UBR3: variants seen among roughly 807,000 people sequenced by gnomAD.
UBR3 encodes the protein E3 ubiquitin-protein ligase UBR3.
In UBR3, 85 loss-of-function variants were observed where a neutral mutation model predicts 243.2. That is an observed-to-expected ratio of 0.35 (90% confidence interval 0.29 to 0.42). UBR3 has a LOEUF of 0.42. Ranked by LOEUF, UBR3 falls within the 10% of genes least tolerant of loss-of-function variation. The pLI is 1.00. For synonymous variants in UBR3, 748 were observed against 799.8 expected (o/e 0.94, Z 1.09); for missense variants, 1,686 against 2,300.8 (o/e 0.73, Z 5.47).
intron 25 of UBR3, among the ~76,000 whole-genome samples, chr2:169,987,898 A>G (rs943073394): frequency 6.6e-6 from 1 of 151,960 alleles, no homozygotes; most frequent in Non-Finnish European, 1.5e-5. Flanking sequence ...TTTTTCTTTT[A>G]TGTAGAGAGC....
chr2:170,032,996 T>C (rs2090720736), intron 31 of UBR3, among the ~76,000 whole-genome samples: 1 of 152,122 alleles, frequency 6.6e-6, no homozygotes, highest in Non-Finnish European at 1.5e-5. Context: ...ATTTTGTGTG[T>C]TGTTGCTAAG....
chr2:169,966,878 G>A (rs534276539), intron 24 of UBR3, among the ~76,000 whole-genome samples: 14 of 151,858 alleles, frequency 9.2e-5, no homozygotes, highest in African/African-American at 3.4e-4. Flanking sequence ...GACTGTGTAG[G>A]GTTTTTTTTT....
At chr2:169,943,252 A>G (rs1319151949) in intron 20 of UBR3, among the ~76,000 whole-genome samples, 1 of 152,196 alleles carries the variant, frequency 6.6e-6, no homozygotes, top group Admixed American at 6.5e-5. Context: ...GAAGCATAAT[A>G]TTGTATAGTA....
intron 28 of UBR3, among the ~76,000 whole-genome samples, chr2:170,007,503 A>G (rs967706674): frequency 1.3e-5 from 2 of 152,178 alleles, no homozygotes; most frequent in Non-Finnish European, 2.9e-5. Context: ...CACACCTGTA[A>G]TCCCAGCACT....
At chr2:169,887,436 GGTTATGATAACTGTTTTGTTTTC>G (rs1177124965) in intron 5 of UBR3, among the ~76,000 whole-genome samples, 26 of 152,116 alleles carry the variant, frequency 1.7e-4, no homozygotes, top group African/African-American at 5.3e-4. Flanking sequence ...GGGAAATTGT[GGTTATGATAACTGTTTTGTTTTC>G]GTTTTCCTTA....
intron 21 of UBR3, 174 bp from the exon 22 acceptor site, chr2:169,947,368 T>C (rs2086825099): frequency 2.3e-6 from 1 of 432,642 alleles, no homozygotes; most frequent in Non-Finnish European, 3.9e-6. Flanking sequence ...CTGCATTTTT[T>C]GTTTGAATTT....
chr2:170,076,603 A>T (rs1574487322), intron 36 of UBR3, among the ~76,000 whole-genome samples: 1 of 152,238 alleles, frequency 6.6e-6, no homozygotes, highest in East Asian at 1.9e-4. Flanking sequence ...AAAATGTTGC[A>T]AAGATATATG....
At chr2:169,828,084 C>G (rs1028058676) in intron 1 of UBR3, 32 bp downstream of exon 1, 6 of 1,352,496 alleles carry the variant, frequency 4.4e-6, no homozygotes, top group Non-Finnish European at 4.8e-6. Context: ...GGCGAGGCGA[C>G]CCTGGGCCGG....
At chr2:169,890,567 G>GTATATATATATATGTATATATATGTA (rs2084320641) in intron 5 of UBR3, among the ~76,000 whole-genome samples, 20 of 59,530 alleles carry the variant, frequency 3.4e-4, no homozygotes, top group South Asian at 6.6e-4. Context: ...ATATATATGT[G>GTATATATATATATGTATATATATGTA]TATATATATA....
intron 31 of UBR3, among the ~76,000 whole-genome samples, chr2:170,037,952 A>T (rs1574432742): frequency 6.6e-6 from 1 of 152,204 alleles, no homozygotes; most frequent in Non-Finnish European, 1.5e-5. Context: ...TAAGCAAATT[A>T]ATAATAGCAT....
At position 169,917,593 on chromosome 2, in the gene UBR3, CAG is replaced by C. The variant is rs547929368; in HGVS notation, c.1866+3449_1866+3450del. On this transcript the variant is annotated intron_variant, in intron 11 of 38. Transcript: ENST00000272793. Reference sequence around the variant, plus strand: ...GGAAATAGTGTATCTGTTTTTCACACAGAAATATTTTTAGGAAGATATTGAAT... The same window carrying C: ...GGAAATAGTGTATCTGTTTTTCACACAAATATTTTTAGGAAGATATTGAAT... 3.1e-3 allele frequency among the ~76,000 whole-genome samples: 472 copies of C among 152,146 alleles called. 1 individual carries two copies. Among genetic ancestry groups the C allele is most frequent in the Middle Eastern group, 0.01 (3 of 292 alleles).
At chr2:170,029,717 G>C (rs2090620088) in intron 31 of UBR3, among the ~76,000 whole-genome samples, 1 of 151,978 alleles carries the variant, frequency 6.6e-6, no homozygotes, top group Admixed American at 6.6e-5. Flanking sequence ...GTAATGGCTG[G>C]TTGTCTCTCT....
chr2:169,945,935 T>G (rs1039294633), intron 20 of UBR3, among the ~76,000 whole-genome samples: 1 of 152,150 alleles, frequency 6.6e-6, no homozygotes, highest in Non-Finnish European at 1.5e-5. Context: ...TTAAGAACAT[T>G]AATGTACCAT....
intron 30 of UBR3, among the ~76,000 whole-genome samples, chr2:170,017,521 GGACACACA>G (rs2090271553): frequency 8.5e-5 from 4 of 47,184 alleles, no homozygotes; most frequent in Admixed American, 5.1e-4. Flanking sequence ...ATATAATTAC[GGACACACA>G]CACACACACA....
At chr2:169,829,043 A>G (rs2081840506) in intron 1 of UBR3, among the ~76,000 whole-genome samples, 1 of 152,220 alleles carries the variant, frequency 6.6e-6, no homozygotes, top group Non-Finnish European at 1.5e-5. Context: ...AGTAGTTGAA[A>G]GAATATTAGC....
chr2:170,006,950 T>C (rs2089932974), intron 27 of UBR3, 40 bp from the exon 28 acceptor site: 1 of 1,574,816 alleles, frequency 6.3e-7, no homozygotes, highest in African/African-American at 1.4e-5. Flanking sequence ...TTTCTATGAA[T>C]GTGTATATCA....
At chr2:169,903,775 A>G (rs1443941679) in intron 8 of UBR3, among the ~76,000 whole-genome samples, 1 of 152,140 alleles carries the variant, frequency 6.6e-6, no homozygotes, top group Non-Finnish European at 1.5e-5. Flanking sequence ...AATCCCAGCT[A>G]CTGAGGAGGC....
intron 30 of UBR3, among the ~76,000 whole-genome samples, chr2:170,017,509 G>T (rs2090270490): frequency 6.9e-6 from 1 of 145,916 alleles, no homozygotes; most frequent in Non-Finnish European, 1.5e-5. Context: ...GTAATGCCTG[G>T]TATATAATTA....
chr2:170,012,686 T>TC (rs2090121361), intron 29 of UBR3, among the ~76,000 whole-genome samples: 1 of 151,242 alleles, frequency 6.6e-6, no homozygotes, highest in Non-Finnish European at 1.5e-5. Flanking sequence ...TTTTTTTTTT[T>TC]TTCCCCCTGA....
Sources: gnomAD v4.1 joint callset for allele counts (sites outside exome capture counted in the v4.1 genomes callset) on GRCh38, gnomAD v4.1.1 for gene constraint, MANE v1.5 for transcripts, NCBI Gene and HGNC (gene_info 2026-07-23, HGNC 2026-07-21) for gene names.